SMARCC2: variants seen among roughly 807,000 people sequenced by gnomAD.
The protein encoded by SMARCC2 is SWI/SNF complex subunit SMARCC2.
SMARCC2 carries 15 observed loss-of-function variants against 151.3 expected under a neutral mutation model. The observed-to-expected ratio is 0.10, with a 90% CI of 0.07 to 0.15. SMARCC2 has a LOEUF of 0.15. Ranked by LOEUF, SMARCC2 falls within the 10% of genes least tolerant of loss-of-function variation. The pLI is 1.00. For missense variants in SMARCC2, 1,031 were observed against 1,599.7 expected (o/e 0.64, Z 6.06); for synonymous variants, 590 against 609.5 (o/e 0.97, Z 0.47).
chr12:56,171,754 C>G lies in SMARCC2; in HGVS notation c.2110G>C (p.Val704Leu). 1.9e-6 allele frequency: 3 copies of G among 1,610,822 alleles called. No individual in the cohort carries two copies. The highest frequency in any genetic ancestry group is 2.5e-6 in the Non-Finnish European group (3 of 1,178,572). The change falls in exon 21 of 29, where the codon GTT (valine) becomes CTT (leucine). Residue 704 changes from valine to leucine, a missense_variant. Val to Leu is a conservative substitution (Grantham distance 32). Transcript: ENST00000550164. The surrounding 1 kb of genome is among the most constrained non-coding windows in gnomAD (Gnocchi z 4.2). ...PIPFSQSGNP[V>L]MSTVAFLASV... ...GCCAGGAAGGCAACAGTGCTCATAACAGGGTTGCCCGACTGACTGAAGGGG... is the reference window on the plus strand; with the variant it reads ...GCCAGGAAGGCAACAGTGCTCATAAGAGGGTTGCCCGACTGACTGAAGGGG...
At chr12:56,173,979 G>C in intron 16 of SMARCC2, 130 bp from the exon 17 acceptor site, 5 of 742,994 alleles carry the variant, frequency 6.7e-6, no homozygotes, top group Non-Finnish European at 1.1e-5. Flanking sequence ...TCTGTTCATT[G>C]TACTCCTTAA....
Position 56,162,458 on chromosome 12 carries a change from C to A in SMARCC2, c.*1231G>T. 1 of 593,656 alleles carries A rather than the reference C, an allele frequency of 1.7e-6. No individual in the cohort carries two copies. The highest frequency in any genetic ancestry group is 2.9e-6 in the Non-Finnish European group (1 of 339,748). 36.8% of individuals were successfully genotyped at this position (593,656 alleles called of 1,614,324 possible). On this transcript the variant is annotated 3_prime_UTR_variant, in exon 29 of 29. Coordinates refer to ENST00000550164, the MANE Select transcript of SMARCC2 (RefSeq NM_001330288.2). ...TTTGAACAGAAGAAAGGTGCTAAGA[C>A]GCAGAGGGAGAGAAACATGGGGACA... is the stretch of plus-strand genomic sequence containing the variant.
intron 1 of SMARCC2, 144 bp downstream of exon 1, chr12:56,189,207 G>T (rs1877889804): frequency 2.8e-6 from 1 of 362,950 alleles, no homozygotes; most frequent in Non-Finnish European, 4.8e-6. Flanking sequence ...GCGCGGGAGC[G>T]CAGGAGGGCG....
intron 11 of SMARCC2, among the ~76,000 whole-genome samples, chr12:56,180,221 G>A (rs1688354107): frequency 6.6e-6 from 1 of 151,338 alleles, no homozygotes; most frequent in South Asian, 2.1e-4. Context: ...CCATTCTCCT[G>A]CCTCAGCCTC....
At position 56,185,022 on chromosome 12, in the gene SMARCC2, C is replaced by A; in HGVS notation, c.399+8G>T. The A allele has an allele frequency of 6.2e-7, 1 of 1,606,750 alleles. No homozygotes were observed. The highest frequency in any genetic ancestry group is 1.3e-5 in the African/African-American group (1 of 74,870). The stretch of plus-strand genomic sequence containing the variant: ...GGAAGGGAGATAAATAGGGTATATG[C>A]CTATTACCTGCACCAAGGACTTCTC... On this transcript the variant is annotated splice_region_variant and intron_variant, in intron 4 of 28. Transcript: ENST00000550164.
rs56809897 is a variant in SMARCC2, at chr12:56,167,951, AACACACACACACACACAC to A, written c.2850+91_2850+108del. Reference sequence around the variant, plus strand: ...CTGTTGCTTATCTCTCTTTCACTGAAACACACACACACACACACACACACACACACACACACACACACA... The same window carrying A: ...CTGTTGCTTATCTCTCTTTCACTGAAACACACACACACACACACACACACA... On this transcript the variant is annotated intron_variant, in intron 26 of 28. Transcript: ENST00000550164. 6.4e-4 allele frequency: 439 copies of A among 689,552 alleles called. 1 individual carries two copies. The African/African-American group carries it at 7.3e-3, about 11-fold the overall frequency. 42.7% of individuals were successfully genotyped at this position (689,552 alleles called of 1,614,324 possible).
In SMARCC2 at chr12:56,169,764, T is replaced by G. The variant is rs1873555042; in HGVS notation, c.2548+12A>C. 18 of 1,614,154 alleles carry G rather than the reference T, an allele frequency of 1.1e-5. No individual in the cohort carries two copies. Among genetic ancestry groups the G allele is most frequent in the Non-Finnish European group, 1.5e-5 (18 of 1,180,024 alleles). ...TGTCCTGCACCCCCACCTACCCTTG[T>G]GGGAGGCTCACCTATTGGGTCTCCA... On this transcript the variant is annotated intron_variant, in intron 24 of 28. Coordinates refer to ENST00000550164, the MANE Select transcript of SMARCC2 (RefSeq NM_001330288.2).
chr12:56,172,712 T>C lies in SMARCC2; in HGVS notation c.1744-8A>G. The C allele has an allele frequency of 6.2e-7, 1 of 1,613,954 alleles. No individual in the cohort carries two copies. The highest frequency in any genetic ancestry group is 8.5e-7 in the Non-Finnish European group (1 of 1,180,024). The stretch of plus-strand genomic sequence containing the variant: ...TTGGGAAGCAGAGGTCTGCTATTTG[T>C]GGAGGGAAAGAAACAGGTGAGTACA... On this transcript the variant is annotated splice_region_variant and splice_polypyrimidine_tract_variant and intron_variant, in intron 18 of 28. Coordinates refer to ENST00000550164, the MANE Select transcript of SMARCC2 (RefSeq NM_001330288.2).
chr12:56,181,007 T>C lies in SMARCC2; in HGVS notation c.1051A>G (p.Asn351Asp). 2 of 1,613,746 alleles carry C rather than the reference T, an allele frequency of 1.2e-6. No individual in the cohort carries two copies. Among genetic ancestry groups the C allele is most frequent in the Admixed American group, 1.7e-5 (1 of 59,986 alleles). ...KDMDEPSPVPNVEEVTLPKTV... is the reference protein window; with the variant it reads ...KDMDEPSPVPDVEEVTLPKTV... ...TTGGGAAGTGTCACCTCTTCTACAT[T>C]GGGGACTGGTGAGGGCTCGTCCATG... Residue 351 changes from asparagine to aspartate, a missense_variant, in exon 11 of 29, where the codon AAT becomes GAT. Around this residue, in one of 12 missense-constraint regions of SMARCC2, gnomAD observed 127 missense variants for 141.7 expected, o/e 0.90. Transcript: ENST00000550164.
chr12:56,184,072 G>T, intron 6 of SMARCC2, 103 bp downstream of exon 6: 2 of 1,055,056 alleles, frequency 1.9e-6, no homozygotes, highest in South Asian at 1.3e-5. Flanking sequence ...GAGGATTCAA[G>T]ATTGAAAGAA....
Position 56,179,001 on chromosome 12 carries a change from G to A in SMARCC2, c.1137C>T (p.Asp379=). 6.2e-7 allele frequency: 1 copy of A among 1,614,074 alleles called. No homozygotes were observed. Among genetic ancestry groups the A allele is most frequent in the Non-Finnish European group, 8.5e-7 (1 of 1,179,966 alleles). Residue 379 remains aspartate, a synonymous_variant, in exon 12 of 29, where the codon GAC becomes GAT. Coordinates refer to ENST00000550164, the MANE Select transcript of SMARCC2 (RefSeq NM_001330288.2). ...SAPVKGGTMT[D]LDEQEDESME... is the part of the protein sequence containing the mutation. Reference sequence around the variant, plus strand: ...CCCAAGAGGCTCCTGTCTTACCCAGGTCGGTCATGGTGCCGCCTTTGACTG... The same window carrying A: ...CCCAAGAGGCTCCTGTCTTACCCAGATCGGTCATGGTGCCGCCTTTGACTG...
chr12:56,187,101 C>T, intron 2 of SMARCC2, 86 bp downstream of exon 2: 2 of 1,412,466 alleles, frequency 1.4e-6, no homozygotes, highest in Middle Eastern at 1.9e-4. Flanking sequence ...TTACAAAATT[C>T]ACAAATCTTT....
rs996395771 is a variant in SMARCC2 at position 56,181,748 on chromosome 12, C to T, written c.796G>A (p.Val266Ile). 5 of 1,614,154 alleles carry T rather than the reference C, an allele frequency of 3.1e-6. No homozygotes were observed. The highest frequency in any genetic ancestry group is 4.2e-6 in the Non-Finnish European group (5 of 1,180,018). Residue 266 changes from valine (V) to isoleucine (I), a missense_variant, in exon 9 of 29, where the codon GTC becomes ATC. By Grantham distance (29) the Val-to-Ile change is conservative. Around this residue, in one of 12 missense-constraint regions of SMARCC2, gnomAD observed 123 missense variants for 190.4 expected, o/e 0.65. Transcript: ENST00000550164. ...DYEVNDDKNPVSRRKKISAKT... is the reference protein window; with the variant it reads ...DYEVNDDKNPISRRKKISAKT... ...GCTGAAATCTTCTTTCGGCGGGAGA[C>T]AGGGTTTTTGTCATCATTTACTTCA...
chr12:56,173,877 C>T (rs375114203), intron 16 of SMARCC2, 28 bp from the exon 17 acceptor site: 3 of 1,596,190 alleles, frequency 1.9e-6, no homozygotes, highest in Non-Finnish European at 2.6e-6. Context: ...GAGACAGGGT[C>T]ACACGGATAG....
Position 56,187,320 on chromosome 12 carries a change from G to A in SMARCC2, c.112-14C>T, listed in dbSNP as rs550775592. 3.1e-6 allele frequency: 5 copies of A among 1,606,864 alleles called. No individual in the cohort carries two copies. The highest frequency in any genetic ancestry group is 2.2e-5 in the South Asian group (2 of 90,508). ...AGCTTGTATATACTAAGGAAAAAGA[G>A]GGAAAGGAAAGAAAAATAGATCTCA... On this transcript the variant is annotated splice_polypyrimidine_tract_variant and intron_variant, in intron 1 of 28. Coordinates refer to ENST00000550164, the MANE Select transcript of SMARCC2 (RefSeq NM_001330288.2).
rs1157365685 is a variant in SMARCC2, at chr12:56,164,317, G to A, written c.3647C>T (p.Ala1216Val). 3.1e-6 allele frequency: 5 copies of A among 1,612,834 alleles called. No individual in the cohort carries two copies. Among genetic ancestry groups the A allele is most frequent in the Non-Finnish European group, 4.2e-6 (5 of 1,179,900 alleles). The change falls in exon 28 of 29, where the codon GCC becomes GTC. Residue 1216 changes from alanine (A) to valine (V), a missense_variant. Physicochemically the swap from Ala to Val is moderately conservative, Grantham distance 64 (BLOSUM62 0). Transcript: ENST00000550164. Reference protein sequence around the residue: ...AAVQGNLLPSASPLPDPGTPL... With the variant: ...AAVQGNLLPSVSPLPDPGTPL... Reference sequence around the variant, plus strand: ...CCCCTTCTCACCTGGCAGTGGGCTGGCACTGGGCAGGAGGTTGCCCTGAAC... The same window carrying A: ...CCCCTTCTCACCTGGCAGTGGGCTGACACTGGGCAGGAGGTTGCCCTGAAC...
chr12:56,185,372 G>A (rs1041584180), intron 3 of SMARCC2: 74 of 407,544 alleles, frequency 1.8e-4, no homozygotes, highest in African/African-American at 1.3e-3. Flanking sequence ...AAGTAGAGAC[G>A]AGGTTTCACC....
intron 14 of SMARCC2, 62 bp from the exon 15 acceptor site, chr12:56,178,155 G>T: frequency 7.4e-7 from 1 of 1,358,402 alleles, no homozygotes; most frequent in Non-Finnish European, 1.0e-6. Context: ...GGGCCCCAAA[G>T]GGAGGAAAAG....
At chr12:56,167,836 T>C (rs1431555314) in intron 26 of SMARCC2, among the ~76,000 whole-genome samples, 1 of 151,914 alleles carries the variant, frequency 6.6e-6, no homozygotes, top group East Asian at 1.9e-4. Context: ...CCTGCTCTGC[T>C]TTGAAGCCCT....
Sources: allele counts gnomAD v4.1 joint callset (sites outside exome capture counted in the v4.1 genomes callset), GRCh38; gene constraint gnomAD v4.1.1; regional missense constraint gnomAD v4.1.1; non-coding constraint Gnocchi (gnomAD v3.1); transcripts MANE v1.5; gene names NCBI Gene and HGNC (gene_info 2026-07-23, HGNC 2026-07-21).